Variants in NRXN1 observed in about 807,000 individuals in gnomAD.
NRXN1 encodes the protein neurexin-1.
Under a neutral mutation model 150.9 loss-of-function variants are expected in NRXN1, and 39 were observed. The ratio of observed to expected loss-of-function variants is 0.26; its 90% CI spans 0.20 to 0.34. NRXN1 has a LOEUF of 0.34. NRXN1 is among the 10% of genes least tolerant of loss of function. NRXN1 has a pLI of 1.00. For synonymous variants in NRXN1, 924 were observed against 757.0 expected (o/e 1.22, Z -3.62); for missense variants, 1,815 against 1,949.9 (o/e 0.93, Z 1.30).
intron 17 of NRXN1, among the ~76,000 whole-genome samples, chr2:50,274,032 A>G (rs2070070533): frequency 1.3e-5 from 2 of 152,170 alleles, no homozygotes; most frequent in South Asian, 4.1e-4. Flanking sequence ...CTGGGTATAT[A>G]CCCAAAGGAT....
At chr2:50,829,528 T>C (rs1018040472) in intron 5 of NRXN1, 1 of 1,609,106 alleles carries the variant, frequency 6.2e-7, no homozygotes, top group Non-Finnish European at 8.5e-7. Context: ...GCAAGTGCGA[T>C]GGCCTTATAA....
chr2:50,190,613 C>CT (rs11427672), intron 18 of NRXN1, among the ~76,000 whole-genome samples: 55,635 of 132,494 alleles, frequency 0.42, 12,264 homozygotes, highest in Middle Eastern at 0.51. Context: ...CTTTTTTTTT[C>CT]TTTTTTTTTT....
At chr2:50,861,800 T>C (rs1015608989) in intron 5 of NRXN1, among the ~76,000 whole-genome samples, 2 of 152,096 alleles carry the variant, frequency 1.3e-5, no homozygotes, top group East Asian at 1.9e-4. Flanking sequence ...AAGATATAAA[T>C]AGATTTTAAG....
intron 2 of NRXN1, among the ~76,000 whole-genome samples, chr2:51,006,510 C>G (rs372059360): frequency 1.3e-5 from 2 of 151,644 alleles, no homozygotes; most frequent in African/African-American, 4.8e-5. Context: ...CAAACCTGCA[C>G]GTTGTGCACA....
At chr2:50,639,466 C>G (rs1683752055) in intron 5 of NRXN1, among the ~76,000 whole-genome samples, 1 of 151,916 alleles carries the variant, frequency 6.6e-6, no homozygotes. Flanking sequence ...AGTGATCTGC[C>G]TGTCTCAGCC....
At chr2:50,474,683 C>CAAAAAAAAAAAAAAAA (rs754558377) in intron 15 of NRXN1, among the ~76,000 whole-genome samples, 5 of 54,996 alleles carry the variant, frequency 9.1e-5, no homozygotes, top group Non-Finnish European at 1.2e-4. Flanking sequence ...ACAGAAATAG[C>CAAAAAAAAAAAAAAAA]AAAAAAAAAA....
At chr2:51,026,738 C>G (rs1263392977) in intron 2 of NRXN1, among the ~76,000 whole-genome samples, 5 of 152,158 alleles carry the variant, frequency 3.3e-5, no homozygotes, top group Admixed American at 6.5e-5. Flanking sequence ...CTTATTTAAT[C>G]TCTAACATTT....
intron 5 of NRXN1, among the ~76,000 whole-genome samples, chr2:50,642,089 T>A (rs1684162891): frequency 6.6e-6 from 1 of 152,126 alleles, no homozygotes; most frequent in Non-Finnish European, 1.5e-5. Context: ...TAAGGACCAT[T>A]TTATAATGTA....
intron 5 of NRXN1, among the ~76,000 whole-genome samples, chr2:50,877,698 T>C (rs767756554): frequency 3.3e-5 from 5 of 151,930 alleles, no homozygotes; most frequent in Non-Finnish European, 4.4e-5. Flanking sequence ...AATGGTAATA[T>C]GCATGTGAAG....
intron 18 of NRXN1, among the ~76,000 whole-genome samples, chr2:50,174,161 A>T (rs537027794): frequency 6.6e-6 from 1 of 152,300 alleles, no homozygotes; most frequent in Middle Eastern, 3.4e-3. Context: ...ATACAGGTAG[A>T]ATAATTTACC....
intron 2 of NRXN1, among the ~76,000 whole-genome samples, chr2:50,982,302 T>C (rs1696955719): frequency 6.6e-6 from 1 of 152,150 alleles, no homozygotes; most frequent in Non-Finnish European, 1.5e-5. Flanking sequence ...TAAATTATTT[T>C]AGGCAACTCT....
chr2:50,402,249 C>A (rs558372341), intron 17 of NRXN1, among the ~76,000 whole-genome samples: 1,869 of 151,884 alleles, frequency 0.012, 43 homozygotes, highest in African/African-American at 0.041. Context: ...TTAATACATC[C>A]ATTAATTTTA....
chr2:50,640,393 T>G (rs62142330), intron 5 of NRXN1, among the ~76,000 whole-genome samples: 29,180 of 152,154 alleles, frequency 0.19, 3,310 homozygotes, highest in Middle Eastern at 0.28. Flanking sequence ...ATATGATCTA[T>G]GTATAATATT....
At chr2:50,129,419 A>C (rs2152745449) in intron 18 of NRXN1, among the ~76,000 whole-genome samples, 1 of 152,370 alleles carries the variant, frequency 6.6e-6, no homozygotes, top group East Asian at 1.9e-4. Context: ...TTAAAAGCAT[A>C]GTTTTTCTCC....
chr2:50,218,179 T>G (rs2063534530), intron 18 of NRXN1, among the ~76,000 whole-genome samples: 1 of 152,110 alleles, frequency 6.6e-6, no homozygotes, highest in Admixed American at 6.6e-5. Flanking sequence ...AAAGTCTTAA[T>G]GGAGAGTTTT....
intron 16 of NRXN1, 96 bp downstream of exon 16, chr2:50,472,202 G>T: frequency 9.3e-7 from 1 of 1,070,502 alleles, no homozygotes; most frequent in Non-Finnish European, 1.3e-6. Flanking sequence ...TTGGGTATTT[G>T]ACCAGTTATC....
chr2:50,950,102 A>G (rs921372996), intron 2 of NRXN1, among the ~76,000 whole-genome samples: 1 of 152,190 alleles, frequency 6.6e-6, no homozygotes, highest in African/African-American at 2.4e-5. Context: ...AGAGCAACAT[A>G]TAAATGCTCT....
chr2:50,600,417 C>T (rs369668507), intron 8 of NRXN1, among the ~76,000 whole-genome samples: 4 of 151,208 alleles, frequency 2.6e-5, no homozygotes, highest in Non-Finnish European at 5.9e-5. Context: ...CTCCACCTCC[C>T]GGGTTCAAGT....
chr2:49,960,012 C>T (rs1384870167), intron 21 of NRXN1, among the ~76,000 whole-genome samples: 2 of 152,148 alleles, frequency 1.3e-5, no homozygotes, highest in Non-Finnish European at 2.9e-5. Context: ...TTAAACTCTA[C>T]TTTATTTCAA....
Sources: gnomAD v4.1 joint callset for allele counts (sites outside exome capture counted in the v4.1 genomes callset) on GRCh38, gnomAD v4.1.1 for gene constraint, MANE v1.5 for transcripts, NCBI Gene and HGNC (gene_info 2026-07-23, HGNC 2026-07-21) for gene names.